Variants in KIRREL3 observed in about 807,000 individuals in gnomAD.
KIRREL3 encodes the protein kirre like nephrin family adhesion molecule 3.
In KIRREL3, 36 loss-of-function variants were observed where a neutral mutation model predicts 89.7. The ratio of observed to expected loss-of-function variants is 0.40; its 90% CI spans 0.31 to 0.53. The LOEUF (loss-of-function observed/expected upper bound fraction) is 0.53, where lower values mean the gene tolerates loss of function less well. Among genes scored for constraint, KIRREL3 ranks in the 20% least tolerant of loss-of-function variants. The probability of loss-of-function intolerance (pLI) is 0.49; values close to 1 mark genes in which losing one functional copy is unlikely to be tolerated. For missense variants in KIRREL3, 864 were observed against 1,056.6 expected (o/e 0.82, Z 2.53); for synonymous variants, 445 against 441.4 (o/e 1.01, Z -0.10).
At chr11:126,595,736 C>G (rs572529101) in intron 1 of KIRREL3, among the ~76,000 whole-genome samples, 1 of 152,180 alleles carries the variant, frequency 6.6e-6, no homozygotes, top group Non-Finnish European at 1.5e-5. Flanking sequence ...CCAGGCCACA[C>G]CGCCCCCTTA....
In KIRREL3 at chr11:126,981,030, A is replaced by G. The variant is rs923078706; in HGVS notation, c.55+19425T>C. ...TAGCAATGAGAGATGGTATACTTAG[A>G]TCTCTGTACCGTGGACTATCATTAT... is the stretch of plus-strand genomic sequence containing the variant. On this transcript the variant is annotated intron_variant, in intron 1 of 16. Transcript: ENST00000525144. The surrounding 1 kb of genome is among the most constrained non-coding windows in gnomAD (Gnocchi z 4.2). 5.3e-5 allele frequency among the ~76,000 whole-genome samples: 8 copies of G among 152,186 alleles called. No homozygotes were observed. Among genetic ancestry groups the G allele is most frequent in the Non-Finnish European group, 1.2e-4 (8 of 68,042 alleles).
rs541708767 is a variant in KIRREL3, at chr11:126,428,480, C to T, written c.1806+699G>A. On this transcript the variant is annotated intron_variant, in intron 15 of 16. Coordinates refer to ENST00000525144, the MANE Select transcript of KIRREL3 (RefSeq NM_032531.4). This position sits in a 1 kb window ranked among gnomAD's most constrained non-coding sequence, Gnocchi z 6.4. ...TCTTGCAGACTGTTTTGGTGGGGTGCGGGGGATGAGGGAGAGGGACATGTA... is the reference window on the plus strand; with the variant it reads ...TCTTGCAGACTGTTTTGGTGGGGTGTGGGGGATGAGGGAGAGGGACATGTA... 2.7e-5 allele frequency among the ~76,000 whole-genome samples: 4 copies of T among 149,994 alleles called. No homozygotes were observed. In the South Asian group the frequency reaches 6.4e-4, roughly 24 times the overall value.
chr11:126,939,368 T>C (rs1011334687), intron 1 of KIRREL3, among the ~76,000 whole-genome samples: 2 of 152,154 alleles, frequency 1.3e-5, no homozygotes, highest in African/African-American at 2.4e-5. Flanking sequence ...TTGGTTCTCT[T>C]AAACATGGGG....
intron 1 of KIRREL3, among the ~76,000 whole-genome samples, chr11:126,866,291 A>G (rs950728272): frequency 6.6e-6 from 1 of 152,070 alleles, no homozygotes; most frequent in Non-Finnish European, 1.5e-5. Context: ...TTCCCTTTCC[A>G]CCTGGCCTGG....
At chr11:126,907,376 G>GTCATAGTTTCCCCAA in intron 1 of KIRREL3, among the ~76,000 whole-genome samples, 1 of 151,928 alleles carries the variant, frequency 6.6e-6, no homozygotes, top group East Asian at 1.9e-4. Context: ...AGTTTCCCCA[G>GTCATAGTTTCCCCAA]CACTTTGTGA....
At position 126,437,678 on chromosome 11, in the gene KIRREL3, ACAC is replaced by A. The variant is rs368842547; in HGVS notation, c.1354-672_1354-670del. Among the ~76,000 whole-genome samples, 32 of 150,804 alleles carry A rather than the reference ACAC, an allele frequency of 2.1e-4. No homozygotes were observed. The East Asian group carries it at 4.2e-3, about 20-fold the overall frequency. On this transcript the variant is annotated intron_variant, in intron 11 of 16. Coordinates refer to ENST00000525144, the MANE Select transcript of KIRREL3 (RefSeq NM_032531.4). ...CATGTACATACACATGGCAGACACG[ACAC>A]CACATCTACACGCAACACACAGCCA...
chr11:126,656,732 G>A lies in KIRREL3; in HGVS notation c.56-93820C>T, dbSNP rs73629155. Reference sequence around the variant, plus strand: ...GATGACTTTTAAGCTTTGACATCATGTACTCATAACCTATCTCTTATGAAA... The same window carrying A: ...GATGACTTTTAAGCTTTGACATCATATACTCATAACCTATCTCTTATGAAA... On this transcript the variant is annotated intron_variant, in intron 1 of 16. Transcript: ENST00000525144. This position sits in a 1 kb window ranked among gnomAD's most constrained non-coding sequence, Gnocchi z 4.0. Among the ~76,000 whole-genome samples, 244 of 152,312 alleles carry A rather than the reference G, an allele frequency of 1.6e-3. No homozygotes were observed. Among genetic ancestry groups the A allele is most frequent in the African/African-American group, 5.6e-3 (233 of 41,580 alleles).
chr11:126,573,031 C>G (rs1253217416), intron 1 of KIRREL3, among the ~76,000 whole-genome samples: 1 of 152,156 alleles, frequency 6.6e-6, no homozygotes, highest in East Asian at 1.9e-4. Context: ...ACAAAATGTC[C>G]TGCGAGTGGG....
In KIRREL3 at chr11:126,526,754, G is replaced by A; in HGVS notation, c.134-67C>T. ...ACAGGGGCGAGAAGGCTCCCCTCCA[G>A]CTATGGAAGCAGAGCAGGGCTGGCG... On this transcript the variant is annotated intron_variant, in intron 2 of 16. Coordinates refer to ENST00000525144, the MANE Select transcript of KIRREL3 (RefSeq NM_032531.4). The surrounding 1 kb of genome is among the most constrained non-coding windows in gnomAD (Gnocchi z 5.7). 1 of 1,495,736 alleles carries A rather than the reference G, an allele frequency of 6.7e-7. No homozygotes were observed. The highest frequency in any genetic ancestry group is 9.1e-7 in the Non-Finnish European group (1 of 1,103,204). The allele number at this position is 1,495,736 out of a possible 1,614,324, so 92.7% of individuals were successfully genotyped here. A position where few individuals can be genotyped will look rare whatever the true frequency, so the allele number is the denominator to read the frequency against.
Position 126,994,601 on chromosome 11 carries a change from A to G in KIRREL3, c.55+5854T>C, listed in dbSNP as rs566647578. On this transcript the variant is annotated intron_variant, in intron 1 of 16. Coordinates refer to ENST00000525144, the MANE Select transcript of KIRREL3 (RefSeq NM_032531.4). The surrounding 1 kb of genome is among the most constrained non-coding windows in gnomAD (Gnocchi z 5.2). ...ACTTATCCAATATTGACATTTACCA[A>G]CTTCTAGAAGTATACAGCCAGAATA... 6.6e-6 allele frequency among the ~76,000 whole-genome samples: 1 copy of G among 152,320 alleles called. No homozygotes were observed. Among genetic ancestry groups the G allele is most frequent in the East Asian group, 1.9e-4 (1 of 5,174 alleles).
At chr11:126,545,262 C>T (rs987168179) in intron 2 of KIRREL3, among the ~76,000 whole-genome samples, 9 of 152,072 alleles carry the variant, frequency 5.9e-5, no homozygotes, top group South Asian at 4.1e-4. Context: ...GTGGTGTCCT[C>T]GTGCTGTGTG....
Position 126,778,244 on chromosome 11 carries a change from C to T in KIRREL3, c.56-215332G>A, listed in dbSNP as rs1341472066. ...AATTAAAATGGGATCATATTATACA[C>T]CTTGTTCTGTATCTTGCTTCTTCAC... On this transcript the variant is annotated intron_variant, in intron 1 of 16. Coordinates refer to ENST00000525144, the MANE Select transcript of KIRREL3 (RefSeq NM_032531.4). This position sits in a 1 kb window ranked among gnomAD's most constrained non-coding sequence, Gnocchi z 4.5. Among the ~76,000 whole-genome samples the T allele has an allele frequency of 6.6e-6, 1 of 152,120 alleles. No individual in the cohort carries two copies. The highest frequency in any genetic ancestry group is 1.5e-5 in the Non-Finnish European group (1 of 68,024).
chr11:126,776,342 A>G lies in KIRREL3; in HGVS notation c.56-213430T>C, dbSNP rs1950168260. Among the ~76,000 whole-genome samples the G allele has an allele frequency of 6.6e-6, 1 of 152,184 alleles. No homozygotes were observed. Among genetic ancestry groups the G allele is most frequent in the Admixed American group, 6.5e-5 (1 of 15,286 alleles). On this transcript the variant is annotated intron_variant, in intron 1 of 16. Coordinates refer to ENST00000525144, the MANE Select transcript of KIRREL3 (RefSeq NM_032531.4). This position sits in a 1 kb window ranked among gnomAD's most constrained non-coding sequence, Gnocchi z 4.7. ...GGAGGGAACACTAGCCTGAGAGTCA[A>G]AACACCTGGGCTTCAGGTCTGTCTT...
At position 126,837,897 on chromosome 11, in the gene KIRREL3, A is replaced by C. The variant is rs1190167878; in HGVS notation, c.55+162558T>G. Among the ~76,000 whole-genome samples the C allele has an allele frequency of 1.3e-5, 2 of 152,212 alleles. No individual in the cohort carries two copies. Among genetic ancestry groups the C allele is most frequent in the South Asian group, 4.1e-4 (2 of 4,834 alleles). On this transcript the variant is annotated intron_variant, in intron 1 of 16. Transcript: ENST00000525144. The surrounding 1 kb of genome is among the most constrained non-coding windows in gnomAD (Gnocchi z 4.7). Reference sequence around the variant, plus strand: ...ACTCCTAAAGCCCCAAAGAACTGCCATTTACAGAAATAGGTCTAGGATATA... The same window carrying C: ...ACTCCTAAAGCCCCAAAGAACTGCCCTTTACAGAAATAGGTCTAGGATATA...
At chr11:126,592,659 C>T (rs965890389) in intron 1 of KIRREL3, among the ~76,000 whole-genome samples, 1 of 152,198 alleles carries the variant, frequency 6.6e-6, no homozygotes, top group African/African-American at 2.4e-5. Context: ...GGAAACAGCG[C>T]GCCTGGGGCC....
In KIRREL3 at chr11:126,948,968, A is replaced by G. The variant is rs185646435; in HGVS notation, c.55+51487T>C. Among the ~76,000 whole-genome samples the G allele has an allele frequency of 1.7e-3, 262 of 152,342 alleles. No homozygotes were observed. The highest frequency in any genetic ancestry group is 3.2e-3 in the Non-Finnish European group (219 of 68,034). ...AAAGAAAACATGCACTGCTCCAGGA[A>G]AAGCACCAGGCACAGAGCAAGTGTT... On this transcript the variant is annotated intron_variant, in intron 1 of 16. Transcript: ENST00000525144. This position sits in a 1 kb window ranked among gnomAD's most constrained non-coding sequence, Gnocchi z 4.5.
At position 126,535,705 on chromosome 11, in the gene KIRREL3, C is replaced by G. The variant is rs1319070824; in HGVS notation, c.134-9018G>C. On this transcript the variant is annotated intron_variant, in intron 2 of 16. Coordinates refer to ENST00000525144, the MANE Select transcript of KIRREL3 (RefSeq NM_032531.4). The surrounding 1 kb of genome is among the most constrained non-coding windows in gnomAD (Gnocchi z 4.5). ...AAGCACTTAAGATTTTGGTTGAGGG[C>G]TGGGCCCGGTGGCTCACGCCTGTAA... Among the ~76,000 whole-genome samples, 2 of 152,192 alleles carry G rather than the reference C, an allele frequency of 1.3e-5. No individual in the cohort carries two copies. Among genetic ancestry groups the G allele is most frequent in the African/African-American group, 2.4e-5 (1 of 41,446 alleles).
rs1947120953 is a variant in KIRREL3, at chr11:126,696,902, G to A, written c.56-133990C>T. Among the ~76,000 whole-genome samples the A allele has an allele frequency of 6.6e-6, 1 of 152,170 alleles. No homozygotes were observed. The highest frequency in any genetic ancestry group is 1.5e-5 in the Non-Finnish European group (1 of 68,034). ...CGGGCAGATTATCTTCCCTTTCTGA[G>A]TCTCAGTTTCTTCATCTGTATTAAT... On this transcript the variant is annotated intron_variant, in intron 1 of 16. Transcript: ENST00000525144. The surrounding 1 kb of genome is among the most constrained non-coding windows in gnomAD (Gnocchi z 4.4).
chr11:126,563,700 T>C lies in KIRREL3; in HGVS notation c.56-788A>G, dbSNP rs1248985082. On this transcript the variant is annotated intron_variant, in intron 1 of 16. Coordinates refer to ENST00000525144, the MANE Select transcript of KIRREL3 (RefSeq NM_032531.4). The surrounding 1 kb of genome is among the most constrained non-coding windows in gnomAD (Gnocchi z 6.8). ...AAATGCAAGAGATAACTTTTTTATT[T>C]GCACAGTATTTTGTAAATCAGTGTC... 1.3e-5 allele frequency among the ~76,000 whole-genome samples: 2 copies of C among 152,228 alleles called. No individual in the cohort carries two copies. Among genetic ancestry groups the C allele is most frequent in the Non-Finnish European group, 2.9e-5 (2 of 68,036 alleles).
Sources: allele counts gnomAD v4.1 joint callset (sites outside exome capture counted in the v4.1 genomes callset), GRCh38; gene constraint gnomAD v4.1.1; non-coding constraint Gnocchi (gnomAD v3.1); transcripts MANE v1.5; gene names NCBI Gene and HGNC (gene_info 2026-07-23, HGNC 2026-07-21).